The following ACYP2 variants were observed in gnomAD, a reference collection of about 807,000 sequenced individuals.
ACYP2 encodes acylphosphatase 2.
Under a neutral mutation model 11.2 loss-of-function variants are expected in ACYP2, and 12 were observed. The observed-to-expected ratio is 1.08, with a 90% CI of 0.69 to 1.74. ACYP2 has a LOEUF of 1.74. Among genes scored for constraint, ACYP2 ranks in the 40% most tolerant of loss-of-function variants. ACYP2 has a pLI of 0.00. For missense variants in ACYP2, 134 were observed against 101.9 expected (o/e 1.31, Z -1.35); for synonymous variants, 43 against 32.2 (o/e 1.33, Z -1.13).
At chr2:54,284,769 C>T (rs1006391316) in intron 6 of ACYP2, among the ~76,000 whole-genome samples, 1 of 152,188 alleles carries the variant, frequency 6.6e-6, no homozygotes, top group Admixed American at 6.5e-5. Context: ...TCCCTCCCAG[C>T]AGGCTTTGCT....
chr2:54,115,782 A>T (rs767680178), intron 4 of ACYP2, 26 bp downstream of exon 1: 1 of 1,582,096 alleles, frequency 6.3e-7, no homozygotes, highest in Admixed American at 1.8e-5. Context: ...ACGGTGGGAG[A>T]TCAAAAAGGT....
In ACYP2 at chr2:54,285,071, C is replaced by G. The variant is rs575750686; in HGVS notation, c.405-19617C>G. ...GCAGATTCAGCGTCTGGTGACAGCT[C>G]TGCTCTGCTTCAAAGATTTTGCCTT... On this transcript the variant is annotated intron_variant, in intron 6 of 6. Coordinates refer to ENST00000607452, the MANE Select transcript of ACYP2 (RefSeq NM_001320586.2). Among the ~76,000 whole-genome samples, 4 of 152,292 alleles carry G rather than the reference C, an allele frequency of 2.6e-5. No individual in the cohort carries two copies. In the South Asian group the frequency reaches 8.3e-4, roughly 32 times the overall value.
At chr2:54,201,742 C>T (rs556010079) in intron 6 of ACYP2, among the ~76,000 whole-genome samples, 1 of 150,098 alleles carries the variant, frequency 6.7e-6, no homozygotes, top group African/African-American at 2.5e-5. Flanking sequence ...GACAGTCTTA[C>T]TCTGTCACCC....
chr2:54,126,903 G>A lies in ACYP2; in HGVS notation c.278-8550G>A, dbSNP rs141838148. Among the ~76,000 whole-genome samples the A allele has an allele frequency of 9.5e-4, 142 of 150,164 alleles. 1 individual carries two copies. Among genetic ancestry groups the A allele is most frequent in the African/African-American group, 3.4e-3 (138 of 40,890 alleles). ...CGGGAGGTGGAGGTTGCAGTGAGCC[G>A]AGATTGTGCAACTGCACTCCAGCCT... On this transcript the variant is annotated intron_variant, in intron 4 of 6. Transcript: ENST00000607452.
chr2:54,088,725 C>G (rs1034771196), intron 4 of ACYP2, among the ~76,000 whole-genome samples: 2 of 152,150 alleles, frequency 1.3e-5, no homozygotes, highest in Non-Finnish European at 2.9e-5. Flanking sequence ...CTTAAAGTGA[C>G]CATAGATTGG....
intron 4 of ACYP2, among the ~76,000 whole-genome samples, chr2:54,116,506 T>G (rs1434842763): frequency 6.6e-6 from 1 of 151,520 alleles, no homozygotes; most frequent in Non-Finnish European, 1.5e-5. Context: ...TTGAGGGTTT[T>G]TTTTTTTTTT....
At chr2:54,178,580 G>A (rs897566099) in intron 6 of ACYP2, among the ~76,000 whole-genome samples, 2 of 152,176 alleles carry the variant, frequency 1.3e-5, no homozygotes. Flanking sequence ...ACTTTTACTT[G>A]AATTTAACAT....
At chr2:54,294,043 CTG>C (rs2104151100) in intron 6 of ACYP2, among the ~76,000 whole-genome samples, 1 of 152,264 alleles carries the variant, frequency 6.6e-6, no homozygotes, top group East Asian at 1.9e-4. Context: ...AATTCATTAT[CTG>C]TCTTTATTTT....
At chr2:54,303,570 A>C (rs1452263424) in intron 6 of ACYP2, among the ~76,000 whole-genome samples, 2 of 152,210 alleles carry the variant, frequency 1.3e-5, no homozygotes, top group African/African-American at 4.8e-5. Context: ...AGTCCAAACT[A>C]ATCTCACCCA....
At chr2:53,973,889 G>GTATATATATATTTTTTTTTTTTTTTTTT (rs1558445372) in intron 2 of ACYP2, 1 of 75,718 alleles carries the variant, frequency 1.3e-5, no homozygotes, top group African/African-American at 6.6e-5. Context: ...GTGTGTGTGT[G>GTATATATATATTTTTTTTTTTTTTTTTT]TGTGTGTGTG....
chr2:54,009,061 GAGA>G, intron 2 of ACYP2, among the ~76,000 whole-genome samples: 1 of 151,984 alleles, frequency 6.6e-6, no homozygotes, highest in African/African-American at 2.4e-5. Context: ...GCTGAGGCAG[GAGA>G]ATTGCTTGAA....
intron 6 of ACYP2, among the ~76,000 whole-genome samples, chr2:54,217,765 A>G (rs1362776480): frequency 6.6e-6 from 1 of 152,170 alleles, no homozygotes; most frequent in Non-Finnish European, 1.5e-5. Context: ...AAAAAGTAAG[A>G]GTATTACGTA....
intron 2 of ACYP2, among the ~76,000 whole-genome samples, chr2:54,050,563 A>G (rs1424539620): frequency 2.6e-5 from 4 of 151,666 alleles, no homozygotes; most frequent in African/African-American, 7.3e-5. Context: ...AAAAAAAAAA[A>G]AAGAAAATAA....
chr2:54,057,668 T>C (rs561110513), intron 4 of ACYP2, among the ~76,000 whole-genome samples: 1 of 152,226 alleles, frequency 6.6e-6, no homozygotes, highest in Non-Finnish European at 1.5e-5. Context: ...TACACTTCTT[T>C]ACTGTTTTAT....
At chr2:54,021,244 A>G (rs1201185506) in intron 2 of ACYP2, among the ~76,000 whole-genome samples, 2 of 152,342 alleles carry the variant, frequency 1.3e-5, no homozygotes, top group South Asian at 4.1e-4. Context: ...AGAGCAGCTG[A>G]CCATGGGTGA....
At chr2:54,195,604 CA>C (rs1483308102) in intron 6 of ACYP2, among the ~76,000 whole-genome samples, 3 of 145,460 alleles carry the variant, frequency 2.1e-5, no homozygotes, top group Non-Finnish European at 4.5e-5. Flanking sequence ...ATCACATCCG[CA>C]GCCACGTTGC....
chr2:54,142,914 C>A lies in ACYP2; in HGVS notation c.404+4166C>A, dbSNP rs1357282597. On this transcript the variant is annotated intron_variant, in intron 6 of 6. Transcript: ENST00000607452. ...AAGTTATTTCTAAGTATCTTAATGA[C>A]TTTTTCACTATTGCATATGGATTTC... The A allele has an allele frequency of 2.0e-5, 3 of 152,192 alleles. No individual in the cohort carries two copies. The East Asian group carries it at 5.8e-4, about 29-fold the overall frequency. 9.4% of individuals were successfully genotyped at this position (152,192 alleles called of 1,614,324 possible). A position where few individuals can be genotyped will look rare whatever the true frequency, so the allele number is the denominator to read the frequency against.
At chr2:54,003,667 T>G (rs956158868) in intron 2 of ACYP2, among the ~76,000 whole-genome samples, 4 of 152,218 alleles carry the variant, frequency 2.6e-5, no homozygotes, top group African/African-American at 9.6e-5. Context: ...TCCCCCAGTT[T>G]TGGCAATTAT....
chr2:53,978,002 C>T (rs1248851124), intron 2 of ACYP2, among the ~76,000 whole-genome samples: 1 of 152,156 alleles, frequency 6.6e-6, no homozygotes, highest in Non-Finnish European at 1.5e-5. Context: ...TGGCTCACGC[C>T]TGTAATCCCA....
Sources: gnomAD v4.1 joint callset for allele counts (sites outside exome capture counted in the v4.1 genomes callset) on GRCh38, gnomAD v4.1.1 for gene constraint, MANE v1.5 for transcripts, NCBI Gene and HGNC (gene_info 2026-07-23, HGNC 2026-07-21) for gene names.